Variants in PLEKHA8 observed in about 807,000 individuals in gnomAD.
PLEKHA8 encodes pleckstrin homology domain containing A8.
A neutral mutation model predicts 68.2 loss-of-function variants in PLEKHA8; 36 were observed. The observed-to-expected ratio is 0.53, with a 90% CI of 0.40 to 0.70. The LOEUF (loss-of-function observed/expected upper bound fraction) is 0.70, where lower values mean the gene tolerates loss of function less well. Ranked by LOEUF, PLEKHA8 falls within the 30% of genes least tolerant of loss-of-function variation. The probability of loss-of-function intolerance (pLI) is 0.00; values close to 1 mark genes in which losing one functional copy is unlikely to be tolerated. For missense variants in PLEKHA8, 505 were observed against 615.4 expected, an observed-to-expected ratio of 0.82 and a Z score of 1.90; for synonymous variants, 211 against 216.1, an observed-to-expected ratio of 0.98 and a Z score of 0.20.
chr7:30,053,657 C>G (rs1458545683), intron 7 of PLEKHA8, among the ~76,000 whole-genome samples: 1 of 152,028 alleles, frequency 6.6e-6, no homozygotes, highest in Non-Finnish European at 1.5e-5. Flanking sequence ...TTATTTGCTC[C>G]TATAATTTTG....
intron 13 of PLEKHA8, among the ~76,000 whole-genome samples, chr7:30,123,955 CT>C (rs1233564177): frequency 1.3e-5 from 2 of 152,180 alleles, no homozygotes; most frequent in African/African-American, 4.8e-5. Context: ...CCTAGTTTAA[CT>C]TTATATACTT....
At chr7:30,116,452 C>G (rs1796567585) in intron 13 of PLEKHA8, among the ~76,000 whole-genome samples, 1 of 152,052 alleles carries the variant, frequency 6.6e-6, no homozygotes, top group African/African-American at 2.4e-5. Flanking sequence ...GAACAAACAA[C>G]TGAAGAAAAA....
chr7:30,052,966 T>A, intron 7 of PLEKHA8, 100 bp downstream of exon 7: 2 of 944,374 alleles, frequency 2.1e-6, no homozygotes, highest in Non-Finnish European at 3.1e-6. Flanking sequence ...CAAGACCATG[T>A]AGTAGTGTCT....
chr7:30,029,581 C>G (rs543460074), intron 1 of PLEKHA8, among the ~76,000 whole-genome samples: 1 of 152,254 alleles, frequency 6.6e-6, no homozygotes, highest in African/African-American at 2.4e-5. Context: ...GTCATGTGTG[C>G]AACTAGTATT....
Position 30,061,908 on chromosome 7 carries a change from G to C in PLEKHA8, c.1110G>C (p.Gln370His). 6.2e-7 allele frequency: 1 copy of C among 1,613,884 alleles called. No homozygotes were observed. Among genetic ancestry groups the C allele is most frequent in the Non-Finnish European group, 8.5e-7 (1 of 1,179,944 alleles). ...TGCTTTCCCTCCAGAAAGTAAATCA[G>C]AAGTATATAACCAACAAAGAAGAGT... ...DLVGNIKKVN[Q>H]KYITNKEEFT... The change falls in exon 11 of 14, where the codon CAG (glutamine) becomes CAC (histidine). Residue 370 changes from glutamine to histidine, a missense_variant. Coordinates refer to ENST00000449726, the MANE Select transcript of PLEKHA8 (RefSeq NM_001197026.2).
At chr7:30,102,708 A>G (rs974526296) in intron 13 of PLEKHA8, among the ~76,000 whole-genome samples, 1 of 152,250 alleles carries the variant, frequency 6.6e-6, no homozygotes, top group Non-Finnish European at 1.5e-5. Flanking sequence ...CTTATATGAA[A>G]TATCTAGAAT....
chr7:30,108,815 G>A (rs1009839886), intron 13 of PLEKHA8, among the ~76,000 whole-genome samples: 13 of 152,172 alleles, frequency 8.5e-5, no homozygotes, highest in Admixed American at 2.0e-4. Flanking sequence ...TGTTCCTTTG[G>A]CAGGAGGGTC....
chr7:30,068,136 C>G (rs758426789), intron 12 of PLEKHA8, among the ~76,000 whole-genome samples: 3 of 152,208 alleles, frequency 2.0e-5, no homozygotes, highest in Non-Finnish European at 4.4e-5. Context: ...TTAGCCTCAC[C>G]TGGAAGGCTC....
chr7:30,078,152 A>G (rs1033633018), intron 13 of PLEKHA8, among the ~76,000 whole-genome samples: 1 of 152,180 alleles, frequency 6.6e-6, no homozygotes, highest in East Asian at 1.9e-4. Flanking sequence ...GAAGATACGC[A>G]AAGAAATATA....
intron 9 of PLEKHA8, among the ~76,000 whole-genome samples, chr7:30,059,921 C>T (rs756667732): frequency 3.9e-5 from 6 of 152,188 alleles, no homozygotes; most frequent in African/African-American, 1.2e-4. Context: ...TGGTGGCTCA[C>T]GCCTGTAATC....
At chr7:30,096,760 G>A (rs998733262) in intron 13 of PLEKHA8, among the ~76,000 whole-genome samples, 1 of 152,124 alleles carries the variant, frequency 6.6e-6, no homozygotes, top group African/African-American at 2.4e-5. Flanking sequence ...GCACACTGAT[G>A]GGTCTTGACT....
intron 13 of PLEKHA8, chr7:30,115,759 C>T (rs1796449568): frequency 1.4e-5 from 2 of 147,980 alleles, no homozygotes; most frequent in African/African-American, 5.0e-5. Context: ...CGTGCACATA[C>T]ATGTATACAC....
At chr7:30,129,519 T>C, downstream of PLEKHA8, 1 of 601,194 alleles carries the variant, frequency 1.7e-6, no homozygotes, top group South Asian at 2.2e-5. Context: ...TTCTAATTGA[T>C]ACACCTTAAA....
intron 1 of PLEKHA8, among the ~76,000 whole-genome samples, chr7:30,035,180 C>T (rs1790974262): frequency 6.6e-6 from 1 of 152,188 alleles, no homozygotes; most frequent in Admixed American, 6.5e-5. Context: ...TGAGTTTGAA[C>T]TTTTGCCCCA....
rs768786742 is a variant in PLEKHA8, at chr7:30,074,169, T to G, written c.1362+37T>G. The G allele has an allele frequency of 5.1e-6, 8 of 1,568,294 alleles. No homozygotes were observed. In the South Asian group the frequency reaches 8.9e-5, roughly 17 times the overall value. On this transcript the variant is annotated intron_variant, in intron 13 of 13. Transcript: ENST00000449726. ...TTCTTGTCTCCTATTATTAACTGTATTGGGTATGCCAGTGGCTAGGGCTAG... is the reference window on the plus strand; with the variant it reads ...TTCTTGTCTCCTATTATTAACTGTAGTGGGTATGCCAGTGGCTAGGGCTAG...
chr7:30,094,148 G>A (rs932233635), downstream of PLEKHA8, among the ~76,000 whole-genome samples: 3 of 152,142 alleles, frequency 2.0e-5, no homozygotes, highest in South Asian at 2.1e-4. Flanking sequence ...TACATTATCC[G>A]AAGGGACATC....
intron 1 of PLEKHA8, among the ~76,000 whole-genome samples, chr7:30,041,125 T>A (rs1445888922): frequency 6.6e-6 from 1 of 152,240 alleles, no homozygotes; most frequent in Non-Finnish European, 1.5e-5. Context: ...CACTGGACAT[T>A]ATGAAAGACC....
chr7:30,086,538 G>A, downstream of PLEKHA8, among the ~76,000 whole-genome samples: 1 of 152,196 alleles, frequency 6.6e-6, no homozygotes, highest in Non-Finnish European at 1.5e-5. Context: ...AACTTCCAGT[G>A]GGTAGAGGAG....
chr7:30,120,168 A>C (rs1198343340), intron 13 of PLEKHA8, among the ~76,000 whole-genome samples: 3 of 143,078 alleles, frequency 2.1e-5, no homozygotes, highest in South Asian at 4.3e-4. Flanking sequence ...AAAAAAAAAA[A>C]ACAAAAAAAA....
Sources: allele counts gnomAD v4.1 joint callset (sites outside exome capture counted in the v4.1 genomes callset), GRCh38; gene constraint gnomAD v4.1.1; transcripts MANE v1.5; gene names NCBI Gene and HGNC (gene_info 2026-07-23, HGNC 2026-07-21).